TSHB: variants seen among roughly 807,000 people sequenced by gnomAD.
TSHB encodes thyrotropin subunit beta.
Under a neutral mutation model 9.3 loss-of-function variants are expected in TSHB, and 9 were observed. The ratio of observed to expected loss-of-function variants is 0.97; its 90% CI spans 0.58 to 1.69. TSHB has a LOEUF of 1.69. Ranked by LOEUF, TSHB falls within the 40% of genes most tolerant of loss-of-function variation. The probability of loss-of-function intolerance (pLI) is 0.00; values close to 1 mark genes in which losing one functional copy is unlikely to be tolerated. For synonymous variants in TSHB, 57 were observed against 57.2 expected, an observed-to-expected ratio of 1.00 and a Z score of 0.01; for missense variants, 182 against 168.5, an observed-to-expected ratio of 1.08 and a Z score of -0.44.
chr1:115,032,775 G>A (rs74113487), intron 1 of TSHB, among the ~76,000 whole-genome samples: 4,670 of 151,732 alleles, frequency 0.031, 225 homozygotes, highest in African/African-American at 0.11. Context: ...TATCCAATAT[G>A]ATATCATATC....
At position 115,032,398 on chromosome 1, in the gene TSHB, A is replaced by C. The variant is rs1674911138; in HGVS notation, c.-1-964A>C. Among the ~76,000 whole-genome samples, 5 of 152,100 alleles carry C rather than the reference A, an allele frequency of 3.3e-5. No homozygotes were observed. In the South Asian group the frequency reaches 1.0e-3, roughly 31 times the overall value. On this transcript the variant is annotated intron_variant, in intron 1 of 2. Transcript: ENST00000256592. Reference sequence around the variant, plus strand: ...AAGATGCTGTTGGGATATAACTGACAGATTTGGGGAAATCTTGGTACTTCT... The same window carrying C: ...AAGATGCTGTTGGGATATAACTGACCGATTTGGGGAAATCTTGGTACTTCT...
At chr1:115,031,063 G>T (rs2101007127) in intron 1 of TSHB, among the ~76,000 whole-genome samples, 1 of 152,086 alleles carries the variant, frequency 6.6e-6, no homozygotes, top group Admixed American at 6.6e-5. Context: ...TATTTGTGCT[G>T]CGAAGATTTT....
intron 2 of TSHB, 118 bp downstream of exon 2, chr1:115,033,642 T>C (rs2101008813): frequency 3.0e-6 from 3 of 1,009,046 alleles, no homozygotes; most frequent in South Asian, 1.3e-5. Flanking sequence ...CTAATGGTTA[T>C]TGGCTCCTTA....
intron 1 of TSHB, among the ~76,000 whole-genome samples, chr1:115,030,783 C>T (rs965896134): frequency 1.7e-4 from 26 of 151,932 alleles, no homozygotes; most frequent in Non-Finnish European, 3.5e-4. Context: ...GAAATTGTGG[C>T]ATATCACAGA....
chr1:115,032,931 A>G (rs1008181869), intron 1 of TSHB, among the ~76,000 whole-genome samples: 2 of 151,910 alleles, frequency 1.3e-5, no homozygotes, highest in Non-Finnish European at 2.9e-5. Flanking sequence ...CATGCATCCA[A>G]AAATTATTTA....
In TSHB at chr1:115,033,441, T is replaced by G; in HGVS notation, c.79T>G (p.Tyr27Asp). Residue 27 changes from tyrosine (Y) to aspartate (D), a missense_variant, in exon 2 of 3, where the codon TAT (tyrosine) becomes GAT (aspartate). Transcript: ENST00000256592. Reference protein sequence around the residue: ...QAMSFCIPTEYTMHIERRECA... With the variant: ...QAMSFCIPTEDTMHIERRECA... ...GATGTCTTTTTGTATTCCAACTGAGTATACAATGCACATCGAAAGGAGAGA... is the reference window on the plus strand; with the variant it reads ...GATGTCTTTTTGTATTCCAACTGAGGATACAATGCACATCGAAAGGAGAGA... 1 of 1,612,248 alleles carries G rather than the reference T, an allele frequency of 6.2e-7. No individual in the cohort carries two copies. The highest frequency in any genetic ancestry group is 8.5e-7 in the Non-Finnish European group (1 of 1,178,336).
Position 115,034,143 on chromosome 1 carries a change from C to G in TSHB, c.333C>G (p.Asp111Glu). ...GTAAGTGTGGCAAGTGCAATACTGA[C>G]TATAGTGACTGCATACATGAAGCCA... is the stretch of plus-strand genomic sequence containing the variant. The part of the protein sequence containing the change: ...LSCKCGKCNT[D>E]YSDCIHEAIK... Residue 111 changes from aspartate (D) to glutamate (E), a missense_variant, in exon 3 of 3, where the codon GAC becomes GAG. Physicochemically the swap from Asp to Glu is conservative, Grantham distance 45 (BLOSUM62 2). Coordinates refer to ENST00000256592, the MANE Select transcript of TSHB (RefSeq NM_000549.5). 1 of 1,613,822 alleles carries G rather than the reference C, an allele frequency of 6.2e-7. No individual in the cohort carries two copies. Among genetic ancestry groups the G allele is most frequent in the African/African-American group, 1.3e-5 (1 of 75,008 alleles).
intron 2 of TSHB, 107 bp from the exon 3 acceptor site, chr1:115,033,866 T>C: frequency 6.8e-7 from 1 of 1,480,804 alleles, no homozygotes; most frequent in South Asian, 1.1e-5. Flanking sequence ...CTTTCCCAGT[T>C]GTATTTGTGA....
chr1:115,033,503 T>A lies in TSHB; in HGVS notation c.141T>A (p.Cys47Ter). ...AYCLTINTTI[C>*]AGYCMTRDIN... The stretch of plus-strand genomic sequence containing the variant: ...GCCTAACCATCAACACCACCATCTG[T>A]GCTGGATATTGTATGACACGGGTAT... Residue 47 changes from cysteine to a stop codon, truncating the protein, a stop_gained, in exon 2 of 3, where the codon TGT becomes TGA. Transcript: ENST00000256592. LOFTEE classifies it high-confidence loss of function. 6.2e-7 allele frequency: 1 copy of A among 1,613,322 alleles called. No homozygotes were observed. Among genetic ancestry groups the A allele is most frequent in the Non-Finnish European group, 8.5e-7 (1 of 1,179,356 alleles).
intron 1 of TSHB, among the ~76,000 whole-genome samples, chr1:115,032,719 AATG>A (rs967213474): frequency 6.6e-6 from 1 of 152,004 alleles, no homozygotes; most frequent in African/African-American, 2.4e-5. Context: ...CCAGAGGGAT[AATG>A]ATATCAATAT....
intron 1 of TSHB, among the ~76,000 whole-genome samples, chr1:115,032,329 C>A (rs1380449727): frequency 6.6e-6 from 1 of 151,718 alleles, no homozygotes; most frequent in Admixed American, 6.6e-5. Flanking sequence ...CAAGGCCGAA[C>A]CTATGAGGTT....
At chr1:115,031,763 G>A (rs945943675) in intron 1 of TSHB, among the ~76,000 whole-genome samples, 2 of 151,976 alleles carry the variant, frequency 1.3e-5, no homozygotes, top group South Asian at 2.1e-4. Flanking sequence ...TTTGAGAAGC[G>A]CTTGAGAAAG....
intron 1 of TSHB, among the ~76,000 whole-genome samples, chr1:115,030,761 G>A (rs1190015928): frequency 6.6e-5 from 10 of 151,972 alleles, no homozygotes; most frequent in Non-Finnish European, 7.4e-5. Flanking sequence ...GAACCCAGAT[G>A]ACAATGAGGA....
rs768055710 is a variant in TSHB, at chr1:115,033,528, T to C, written c.162+4T>C. On this transcript the variant is annotated splice_donor_region_variant and intron_variant, in intron 2 of 2. Coordinates refer to ENST00000256592, the MANE Select transcript of TSHB (RefSeq NM_000549.5). The stretch of plus-strand genomic sequence containing the variant: ...TGCTGGATATTGTATGACACGGGTA[T>C]GTAGTTCATGTCACTTCTTTTGGCT... The C allele has an allele frequency of 3.1e-6, 5 of 1,611,652 alleles. No individual in the cohort carries two copies. The highest frequency in any genetic ancestry group is 1.1e-5 in the South Asian group (1 of 91,030).
In TSHB at chr1:115,033,438, G is replaced by A; in HGVS notation, c.76G>A (p.Glu26Lys). The A allele has an allele frequency of 6.2e-7, 1 of 1,612,606 alleles. No homozygotes were observed. The highest frequency in any genetic ancestry group is 1.1e-5 in the South Asian group (1 of 91,064). The change falls in exon 2 of 3, where the codon GAG becomes AAG. Residue 26 changes from glutamate (E) to lysine (K), a missense_variant. Coordinates refer to ENST00000256592, the MANE Select transcript of TSHB (RefSeq NM_000549.5). The part of the protein sequence containing the change: ...GQAMSFCIPT[E>K]YTMHIERREC... ...AGCGATGTCTTTTTGTATTCCAACT[G>A]AGTATACAATGCACATCGAAAGGAG...
rs1674960518 is a variant in TSHB at position 115,034,159 on chromosome 1, C to T, written c.349C>T (p.His117Tyr). 4.3e-6 allele frequency: 7 copies of T among 1,613,700 alleles called. No homozygotes were observed. In the East Asian group the frequency reaches 1.6e-4, roughly 36 times the overall value. ...KCNTDYSDCI[H>Y]EAIKTNYCTK... ...CAATACTGACTATAGTGACTGCATA[C>T]ATGAAGCCATCAAGACAAACTACTG... The change falls in exon 3 of 3, where the codon CAT (histidine) becomes TAT (tyrosine). Residue 117 changes from histidine (H) to tyrosine (Y), a missense_variant. Transcript: ENST00000256592.
chr1:115,030,180 A>G (rs1489456602), intron 1 of TSHB, among the ~76,000 whole-genome samples: 2 of 152,018 alleles, frequency 1.3e-5, no homozygotes, highest in Non-Finnish European at 2.9e-5. Flanking sequence ...CCATTTAATG[A>G]TGTGTGTATT....
intron 1 of TSHB, among the ~76,000 whole-genome samples, chr1:115,031,308 A>C (rs1674889983): frequency 6.6e-6 from 1 of 152,070 alleles, no homozygotes; most frequent in Admixed American, 6.6e-5. Flanking sequence ...TCAAAAAAAT[A>C]TAGAGTATCC....
chr1:115,033,336 GTTCT>G (rs1674935019), intron 1 of TSHB, 22 bp from the exon 2 acceptor site: 1 of 1,611,726 alleles, frequency 6.2e-7, no homozygotes, highest in South Asian at 1.1e-5. Flanking sequence ...TAACAAATAG[GTTCT>G]TTAATTTTAT....
Sources: gnomAD v4.1 joint callset for allele counts (sites outside exome capture counted in the v4.1 genomes callset) on GRCh38, gnomAD v4.1.1 for gene constraint, MANE v1.5 for transcripts, NCBI Gene and HGNC (gene_info 2026-07-23, HGNC 2026-07-21) for gene names.